The following EPHB2 variants were observed in gnomAD, a reference collection of about 807,000 sequenced individuals.
The protein encoded by EPHB2 is EPH receptor B2.
In EPHB2, 18 loss-of-function variants were observed where a neutral mutation model predicts 96.4. The ratio of observed to expected loss-of-function variants is 0.19; its 90% CI spans 0.13 to 0.28. The LOEUF is 0.28. Ranked by LOEUF, EPHB2 falls within the 10% of genes least tolerant of loss-of-function variation. The pLI, the probability that EPHB2 is intolerant of heterozygous loss-of-function variation, is 1.00. For missense variants in EPHB2, 989 were observed against 1,355.4 expected, an observed-to-expected ratio of 0.73 and a Z score of 4.25; for synonymous variants, 506 against 534.1, an observed-to-expected ratio of 0.95 and a Z score of 0.72.
At position 22,882,963 on chromosome 1, in the gene EPHB2, G is replaced by A. The variant is rs61778244; in HGVS notation, c.1428+480G>A. On this transcript the variant is annotated intron_variant, in intron 6 of 15. Coordinates refer to ENST00000374630, the MANE Select transcript of EPHB2 (RefSeq NM_017449.5). The stretch of plus-strand genomic sequence containing the variant: ...CACTCGCCTGCATGCCCTTTGCATG[G>A]GGAGAGGTGATTTCACTTTGAGCTT... 3.4e-3 allele frequency: 740 copies of A among 220,530 alleles called. 2 individuals are homozygous for A. The highest frequency in any genetic ancestry group is 5.5e-3 in the Non-Finnish European group (600 of 109,330). 13.7% of individuals were successfully genotyped at this position (220,530 alleles called of 1,614,324 possible).
intron 3 of EPHB2, among the ~76,000 whole-genome samples, chr1:22,853,418 G>A (rs1311674948): frequency 6.6e-6 from 1 of 152,228 alleles, no homozygotes; most frequent in African/African-American, 2.4e-5. Context: ...CACCATCACT[G>A]TCACTGTGCT....
intron 3 of EPHB2, among the ~76,000 whole-genome samples, chr1:22,835,144 C>T (rs1421918560): frequency 6.6e-6 from 1 of 152,038 alleles, no homozygotes; most frequent in Non-Finnish European, 1.5e-5. Context: ...TTTGGGAGGC[C>T]AAGGCAGGCA....
rs552507657 is a variant in EPHB2 at position 22,781,398 on chromosome 1, G to T, written c.62-23G>T. The T allele has an allele frequency of 1.9e-6, 3 of 1,613,396 alleles. No individual in the cohort carries two copies. The East Asian group carries it at 6.7e-5, about 36-fold the overall frequency. ...AGCGCCTGGTAGGTGGGGCGGGGTG[G>T]TGACTCTTTGCTCTCCCCACAGAAA... On this transcript the variant is annotated intron_variant, in intron 1 of 15. Coordinates refer to ENST00000374630, the MANE Select transcript of EPHB2 (RefSeq NM_017449.5).
rs147870262 is a variant in EPHB2, at chr1:22,801,246, C to G, written c.811+16170C>G. Among the ~76,000 whole-genome samples the G allele has an allele frequency of 4.6e-5, 7 of 152,286 alleles. No individual in the cohort carries two copies. The East Asian group carries it at 1.4e-3, about 29-fold the overall frequency. ...TCATCTGTCCCGGCTGTTACGTTTA[C>G]GAAGCACTTTCATCTGGGGAGAGAG... On this transcript the variant is annotated intron_variant, in intron 3 of 15. Transcript: ENST00000374630.
chr1:22,742,407 G>C (rs1643915385), intron 1 of EPHB2, among the ~76,000 whole-genome samples: 1 of 152,194 alleles, frequency 6.6e-6, no homozygotes, highest in African/African-American at 2.4e-5. Flanking sequence ...CAGGTTCCCA[G>C]CTCCTGGACC....
chr1:22,906,221 A>AC lies in EPHB2; in HGVS notation c.1888+118dup, dbSNP rs1316686869. 7 of 1,524,042 alleles carry AC rather than the reference A, an allele frequency of 4.6e-6. No individual in the cohort carries two copies. The highest frequency in any genetic ancestry group is 2.7e-5 in the African/African-American group (2 of 72,940). The allele number at this position is 1,524,042 out of a possible 1,614,324, so 94.4% of individuals were successfully genotyped here. On this transcript the variant is annotated intron_variant, in intron 10 of 15. Coordinates refer to ENST00000374630, the MANE Select transcript of EPHB2 (RefSeq NM_017449.5). This position sits in a 1 kb window ranked among gnomAD's most constrained non-coding sequence, Gnocchi z 4.8. ...GGATGTGGGACAGGCGCCTCAAAGG[A>AC]CCCCCCAAGGCCTGAAGGTTCAGAA...
intron 1 of EPHB2, among the ~76,000 whole-genome samples, chr1:22,753,695 G>A (rs1031831679): frequency 7.3e-5 from 11 of 150,254 alleles, no homozygotes; most frequent in African/African-American, 1.5e-4. Context: ...CTGAGTGGAC[G>A]GGCCCCCTGG....
At chr1:22,892,387 C>G (rs560360950) in intron 6 of EPHB2, among the ~76,000 whole-genome samples, 92 of 152,284 alleles carry the variant, frequency 6.0e-4, no homozygotes, top group Non-Finnish European at 1.1e-3. Flanking sequence ...ACAAACAATT[C>G]CAAAAATCCA....
intron 1 of EPHB2, among the ~76,000 whole-genome samples, chr1:22,726,300 C>G (rs1238657320): frequency 6.6e-6 from 1 of 152,136 alleles, no homozygotes; most frequent in Non-Finnish European, 1.5e-5. Flanking sequence ...TCATCAATAT[C>G]ATGATCATAG....
At chr1:22,879,858 G>A (rs1225754485) in intron 5 of EPHB2, among the ~76,000 whole-genome samples, 1 of 152,240 alleles carries the variant, frequency 6.6e-6, no homozygotes, top group African/African-American at 2.4e-5. Context: ...AAGGAGCCGA[G>A]CTGAGGGTCA....
chr1:22,832,692 C>G (rs780698822), intron 3 of EPHB2, among the ~76,000 whole-genome samples: 1 of 152,224 alleles, frequency 6.6e-6, no homozygotes, highest in Non-Finnish European at 1.5e-5. Flanking sequence ...TAGTACAACT[C>G]TCTGCTTTCC....
In EPHB2 at chr1:22,784,686, A is replaced by G. The variant is rs765034780; in HGVS notation, c.421A>G (p.Ile141Val). The G allele has an allele frequency of 1.2e-6, 2 of 1,613,958 alleles. No individual in the cohort carries two copies. Among genetic ancestry groups the G allele is most frequent in the Non-Finnish European group, 1.7e-6 (2 of 1,180,020 alleles). Residue 141 changes from isoleucine (I) to valine (V), a missense_variant, in exon 3 of 16, where the codon ATT becomes GTT. By Grantham distance (29) the Ile-to-Val change is conservative. Coordinates refer to ENST00000374630, the MANE Select transcript of EPHB2 (RefSeq NM_017449.5). The surrounding 1 kb of genome is among the most constrained non-coding windows in gnomAD (Gnocchi z 5.1). The part of the protein sequence containing the change: ...MENPWVKVDT[I>V]AADESFSQVD... ...GAATCCATGGGTGAAGGTGGATACCATTGCAGCCGACGAGAGCTTCTCCCA... is the reference window on the plus strand; with the variant it reads ...GAATCCATGGGTGAAGGTGGATACCGTTGCAGCCGACGAGAGCTTCTCCCA...
At chr1:22,782,148 A>G (rs906777640) in intron 2 of EPHB2, among the ~76,000 whole-genome samples, 9 of 152,136 alleles carry the variant, frequency 5.9e-5, no homozygotes, top group African/African-American at 2.2e-4. Flanking sequence ...TCTGCCACTC[A>G]CCAGCTGTGT....
intron 3 of EPHB2, among the ~76,000 whole-genome samples, chr1:22,833,532 G>A (rs937990038): frequency 2.0e-5 from 3 of 152,180 alleles, no homozygotes; most frequent in Admixed American, 2.0e-4. Flanking sequence ...AGGTAGATAG[G>A]GATAGCAATT....
intron 3 of EPHB2, among the ~76,000 whole-genome samples, chr1:22,826,187 A>T (rs1645221097): frequency 6.6e-6 from 1 of 152,198 alleles, no homozygotes; most frequent in African/African-American, 2.4e-5. Flanking sequence ...TCCTTCAGGC[A>T]GTGAGTCTAC....
At chr1:22,907,858 G>T in intron 11 of EPHB2, 95 bp from the exon 12 acceptor site, 1 of 1,480,882 alleles carries the variant, frequency 6.8e-7, no homozygotes, top group Non-Finnish European at 9.4e-7. Flanking sequence ...AGCCAGGCTG[G>T]CAGGGCCCTG....
In EPHB2 at chr1:22,913,597, C is replaced by T. The variant is rs1219641506; in HGVS notation, c.*27C>T. 1.2e-6 allele frequency: 2 copies of T among 1,613,408 alleles called. No homozygotes were observed. Among genetic ancestry groups the T allele is most frequent in the South Asian group, 2.2e-5 (2 of 90,806 alleles). On this transcript the variant is annotated 3_prime_UTR_variant, in exon 16 of 16. Coordinates refer to ENST00000374630, the MANE Select transcript of EPHB2 (RefSeq NM_017449.5). The surrounding 1 kb of genome is among the most constrained non-coding windows in gnomAD (Gnocchi z 4.1). ...ATTCACCTGCCTCGGCTCACCTCTT[C>T]CTCCAAGCCCCGCCCCCTCTGCCCC...
At chr1:22,862,402 G>T (rs1638292535) in intron 3 of EPHB2, among the ~76,000 whole-genome samples, 1 of 152,212 alleles carries the variant, frequency 6.6e-6, no homozygotes, top group South Asian at 2.1e-4. Flanking sequence ...CGCTTAAGCA[G>T]AATACTCACA....
At chr1:22,824,351 C>T (rs4654820) in intron 3 of EPHB2, among the ~76,000 whole-genome samples, 30,124 of 152,106 alleles carry the variant, frequency 0.2, 3,521 homozygotes, top group Non-Finnish European at 0.26. Context: ...CTCCATCCAA[C>T]TCAGGCCAGT....
Sources: allele counts gnomAD v4.1 joint callset (sites outside exome capture counted in the v4.1 genomes callset), GRCh38; gene constraint gnomAD v4.1.1; non-coding constraint Gnocchi (gnomAD v3.1); transcripts MANE v1.5; gene names NCBI Gene and HGNC (gene_info 2026-07-23, HGNC 2026-07-21).